Variants in LRP12 observed in about 807,000 individuals in gnomAD.
LRP12 encodes the protein low-density lipoprotein receptor-related protein 12.
In LRP12, 14 loss-of-function variants were observed where a neutral mutation model predicts 66.0. The ratio of observed to expected loss-of-function variants is 0.21; its 90% CI spans 0.14 to 0.33. LRP12 has a LOEUF of 0.33. Among genes scored for constraint, LRP12 ranks in the 10% least tolerant of loss-of-function variants. LRP12 has a pLI of 1.00. For missense variants in LRP12, 889 were observed against 1,053.4 expected (o/e 0.84, Z 2.16); for synonymous variants, 357 against 359.1 (o/e 0.99, Z 0.07).
intron 1 of LRP12, among the ~76,000 whole-genome samples, chr8:104,588,235 C>T (rs1812365434): frequency 6.6e-6 from 1 of 152,210 alleles, no homozygotes; most frequent in Admixed American, 6.5e-5. Flanking sequence ...CCGCGTGCTG[C>T]TCCCGGGGAA....
At position 104,497,872 on chromosome 8, in the gene LRP12, G is replaced by C; in HGVS notation, c.680C>G (p.Thr227Ser). Residue 227 changes from threonine to serine, a missense_variant, in exon 5 of 7, where the codon ACC becomes AGC. By Grantham distance (58) the Thr-to-Ser change is moderately conservative. This residue lies in a region of LRP12 where 800 missense variants were observed against 964.5 expected (regional missense o/e 0.83). Coordinates refer to ENST00000276654, the MANE Select transcript of LRP12 (RefSeq NM_013437.5). This position sits in a 1 kb window ranked among gnomAD's most constrained non-coding sequence, Gnocchi z 4.3. The part of the protein sequence containing the change: ...YNQFQCLSRF[T>S]KVYTCLPESL... ...TTCGGGGAGGCAAGTGTAAACTTTG[G>C]TAAAACGGGATAAACACTGGAACTG... 1 of 1,614,162 alleles carries C rather than the reference G, an allele frequency of 6.2e-7. No individual in the cohort carries two copies. The highest frequency in any genetic ancestry group is 8.5e-7 in the Non-Finnish European group (1 of 1,180,026).
chr8:104,552,886 G>A (rs1302355054), intron 1 of LRP12, among the ~76,000 whole-genome samples: 1 of 152,168 alleles, frequency 6.6e-6, no homozygotes, highest in East Asian at 1.9e-4. Context: ...GCTTGCTGCT[G>A]CAGGCTCTGT....
Position 104,499,355 on chromosome 8 carries a change from T to C in LRP12, c.437A>G (p.Asn146Ser), listed in dbSNP as rs1436482780. 6.2e-7 allele frequency: 1 copy of C among 1,613,612 alleles called. No individual in the cohort carries two copies. Among genetic ancestry groups the C allele is most frequent in the East Asian group, 2.2e-5 (1 of 44,832 alleles). The part of the protein sequence containing the change: ...HIWIRFHSDD[N>S]ISRKGFRLAY... ...CAGTCTGAAACCCTTTCTAGAGATG[T>C]TGTCATCCGAATGAAACCTAATCCA... is the stretch of plus-strand genomic sequence containing the variant. Residue 146 changes from asparagine to serine, a missense_variant, in exon 4 of 7, where the codon AAC (asparagine) becomes AGC (serine). Coordinates refer to ENST00000276654, the MANE Select transcript of LRP12 (RefSeq NM_013437.5).
chr8:104,573,139 C>T (rs1262552556), intron 1 of LRP12, among the ~76,000 whole-genome samples: 1 of 152,220 alleles, frequency 6.6e-6, no homozygotes, highest in African/African-American at 2.4e-5. Context: ...GTAGTAGGTT[C>T]TCCTTAATCT....
chr8:104,570,679 A>G (rs1489971217), intron 1 of LRP12, among the ~76,000 whole-genome samples: 2 of 152,234 alleles, frequency 1.3e-5, no homozygotes, highest in African/African-American at 2.4e-5. Context: ...ACTTTCAGAA[A>G]AAAAGCAGAA....
intron 1 of LRP12, among the ~76,000 whole-genome samples, chr8:104,576,464 C>A (rs1311548591): frequency 6.6e-6 from 1 of 152,170 alleles, no homozygotes; most frequent in African/African-American, 2.4e-5. Context: ...GGCCAATATT[C>A]AAAATTCTTA....
intron 1 of LRP12, among the ~76,000 whole-genome samples, chr8:104,544,104 T>C (rs942495058): frequency 1.3e-5 from 2 of 152,156 alleles, no homozygotes; most frequent in South Asian, 2.1e-4. Flanking sequence ...CAAAACAACC[T>C]TACTGTTGAT....
In LRP12 at chr8:104,506,277, C is replaced by T. The variant is rs183856482; in HGVS notation, c.272+2662G>A. 3.0e-3 allele frequency: 453 copies of T among 151,846 alleles called. 3 individuals are homozygous for T. The highest frequency in any genetic ancestry group is 0.011 in the African/African-American group (435 of 41,356). The allele number at this position is 151,846 out of a possible 1,614,324, so 9.4% of individuals were successfully genotyped here. A position where few individuals can be genotyped will look rare whatever the true frequency, so the allele number is the denominator to read the frequency against. On this transcript the variant is annotated intron_variant, in intron 3 of 6. Transcript: ENST00000276654. ...AGGTTTTACCAGAATACTAGGTGGC[C>T]GTGGCATAAAGAAAGTTAAGAAATA...
intron 2 of LRP12, 114 bp from the exon 3 acceptor site, chr8:104,509,188 T>TA (rs1193210426): frequency 1.3e-6 from 1 of 792,340 alleles, no homozygotes; most frequent in Non-Finnish European, 1.9e-6. Context: ...TAATAACCAA[T>TA]AAGATATGGT....
intron 1 of LRP12, among the ~76,000 whole-genome samples, chr8:104,538,293 T>C (rs1430280732): frequency 2.0e-5 from 3 of 152,164 alleles, no homozygotes; most frequent in Non-Finnish European, 2.9e-5. Flanking sequence ...ATCTACATAG[T>C]ATAGGCTCCA....
intron 1 of LRP12, among the ~76,000 whole-genome samples, chr8:104,557,491 A>G (rs1811828578): frequency 6.6e-6 from 1 of 151,958 alleles, no homozygotes; most frequent in Non-Finnish European, 1.5e-5. Flanking sequence ...AACAGTAACC[A>G]GGCTGATAAT....
At chr8:104,523,031 A>C (rs1413806959) in intron 2 of LRP12, among the ~76,000 whole-genome samples, 1 of 152,178 alleles carries the variant, frequency 6.6e-6, no homozygotes, top group Non-Finnish European at 1.5e-5. Context: ...TAAATTATTT[A>C]TGACCTGTGA....
chr8:104,544,161 A>G (rs557674165), intron 1 of LRP12, among the ~76,000 whole-genome samples: 2 of 152,208 alleles, frequency 1.3e-5, no homozygotes, highest in Non-Finnish European at 2.9e-5. Context: ...ACCAGCCACA[A>G]CATCGCCTTA....
chr8:104,583,225 T>C (rs1220071909), intron 1 of LRP12, among the ~76,000 whole-genome samples: 2 of 152,170 alleles, frequency 1.3e-5, no homozygotes, highest in Non-Finnish European at 2.9e-5. Flanking sequence ...ATAGTTAAAA[T>C]AAAACCCAAA....
intron 1 of LRP12, among the ~76,000 whole-genome samples, chr8:104,581,496 T>C (rs1275968735): frequency 2.0e-5 from 3 of 151,872 alleles, no homozygotes; most frequent in Non-Finnish European, 2.9e-5. Context: ...TTTACTTATA[T>C]AACAAACCTG....
chr8:104,523,319 T>G (rs370560886), intron 2 of LRP12, among the ~76,000 whole-genome samples: 3 of 152,144 alleles, frequency 2.0e-5, no homozygotes, highest in South Asian at 4.1e-4. Flanking sequence ...TTTACTACCA[T>G]AAAAAATACA....
chr8:104,527,212 G>A (rs1811252365), intron 2 of LRP12, among the ~76,000 whole-genome samples: 1 of 144,436 alleles, frequency 6.9e-6, no homozygotes, highest in African/African-American at 2.8e-5. Flanking sequence ...GGAGAAATAG[G>A]AACACTTTTA....
intron 1 of LRP12, among the ~76,000 whole-genome samples, chr8:104,533,073 A>T (rs1811348916): frequency 6.6e-6 from 1 of 152,138 alleles, no homozygotes; most frequent in Admixed American, 6.6e-5. Flanking sequence ...AACTACAGTT[A>T]TACCCTTCAA....
intron 1 of LRP12, among the ~76,000 whole-genome samples, chr8:104,548,193 T>TATAA (rs1554709914): frequency 1.4e-5 from 1 of 73,918 alleles, no homozygotes; most frequent in Non-Finnish European, 2.2e-5. Context: ...AATATATATA[T>TATAA]AAATATATGA....
Sources: gnomAD v4.1 joint callset for allele counts (sites outside exome capture counted in the v4.1 genomes callset) on GRCh38, gnomAD v4.1.1 for gene constraint, gnomAD v4.1.1 regional missense constraint, Gnocchi (gnomAD v3.1) non-coding constraint, MANE v1.5 for transcripts, NCBI Gene and HGNC (gene_info 2026-07-23, HGNC 2026-07-21) for gene names.